Variants in MYO16 observed in about 807,000 individuals in gnomAD.
MYO16 encodes the protein myosin XVI.
In MYO16, 94 loss-of-function variants were observed where a neutral mutation model predicts 205.3. The ratio of observed to expected loss-of-function variants is 0.46; its 90% CI spans 0.39 to 0.54. MYO16 has a LOEUF of 0.54. Ranked by LOEUF, MYO16 falls within the 20% of genes least tolerant of loss-of-function variation. The pLI is 0.00. For missense variants in MYO16, 2,315 were observed against 2,387.5 expected, an observed-to-expected ratio of 0.97 and a Z score of 0.63; for synonymous variants, 988 against 954.0, an observed-to-expected ratio of 1.04 and a Z score of -0.66.
chr13:108,564,231 C>T, the MYO16 span, among the ~76,000 whole-genome samples: 1 of 149,252 alleles, frequency 6.7e-6, no homozygotes, highest in South Asian at 2.1e-4. Context: ...AATGCAGTGG[C>T]ACCATCTTGG....
At chr13:108,708,299 T>C (rs1020968212) in intron 2 of MYO16, among the ~76,000 whole-genome samples, 3 of 152,212 alleles carry the variant, frequency 2.0e-5, no homozygotes, top group Non-Finnish European at 1.5e-5. Context: ...AGATACAATT[T>C]TCAAAGGCTT....
At chr13:108,893,335 T>A (rs1196463693) in intron 14 of MYO16, among the ~76,000 whole-genome samples, 1 of 152,210 alleles carries the variant, frequency 6.6e-6, no homozygotes, top group African/African-American at 2.4e-5. Flanking sequence ...CACAATGTCA[T>A]TGATGGGTTC....
intron 27 of MYO16, among the ~76,000 whole-genome samples, chr13:109,064,806 G>A (rs1009457538): frequency 6.6e-6 from 1 of 152,158 alleles, no homozygotes; most frequent in African/African-American, 2.4e-5. Context: ...CATAGATAGG[G>A]TGGAGAAGTG....
chr13:108,520,416 A>G, the MYO16 span, among the ~76,000 whole-genome samples: 1 of 152,186 alleles, frequency 6.6e-6, no homozygotes, highest in South Asian at 2.1e-4. Flanking sequence ...TAAAGATATA[A>G]TCAGACCATA....
At chr13:108,573,344 T>A in the MYO16 span, among the ~76,000 whole-genome samples, 1 of 152,202 alleles carries the variant, frequency 6.6e-6, no homozygotes, top group Non-Finnish European at 1.5e-5. Flanking sequence ...ACTTTAGAAG[T>A]TGGAATATAA....
At chr13:109,062,659 T>A (rs1887629568) in intron 27 of MYO16, among the ~76,000 whole-genome samples, 1 of 152,120 alleles carries the variant, frequency 6.6e-6, no homozygotes, top group Non-Finnish European at 1.5e-5. Flanking sequence ...ATAGAGAGAT[T>A]ATCAGTTTCT....
At chr13:108,748,392 A>T (rs993739430) in intron 4 of MYO16, among the ~76,000 whole-genome samples, 2 of 152,074 alleles carry the variant, frequency 1.3e-5, no homozygotes, top group African/African-American at 4.8e-5. Flanking sequence ...AAATACGTGT[A>T]TTAGAGAAGA....
At chr13:109,023,352 A>C (rs1441925922) in intron 23 of MYO16, among the ~76,000 whole-genome samples, 1 of 73,400 alleles carries the variant, frequency 1.4e-5, no homozygotes, top group Non-Finnish European at 2.3e-5. Flanking sequence ...TTTATATATT[A>C]TACAGATATA....
chr13:108,793,285 CA>C (rs756851025), intron 5 of MYO16, among the ~76,000 whole-genome samples: 22 of 98,864 alleles, frequency 2.2e-4, no homozygotes, highest in East Asian at 8.1e-4. Context: ...GACTCTGTCT[CA>C]AAAAAAAAAA....
intron 16 of MYO16, among the ~76,000 whole-genome samples, chr13:108,924,555 C>T (rs559840192): frequency 2.8e-4 from 42 of 152,298 alleles, no homozygotes; most frequent in African/African-American, 9.1e-4. Flanking sequence ...TTCCTGAGTA[C>T]GAATGGAATC....
intron 4 of MYO16, among the ~76,000 whole-genome samples, chr13:108,759,681 C>A (rs1885535796): frequency 1.3e-5 from 2 of 151,226 alleles, no homozygotes; most frequent in Admixed American, 1.3e-4. Flanking sequence ...ATTAGCCAGG[C>A]GTGGGGGCAG....
chr13:108,591,571 T>C (rs368077439), upstream of MYO16, among the ~76,000 whole-genome samples: 61 of 152,296 alleles, frequency 4.0e-4, no homozygotes, highest in African/African-American at 1.4e-3. Flanking sequence ...TCATAATGAT[T>C]GGAAGGAAAC....
intron 16 of MYO16, among the ~76,000 whole-genome samples, chr13:108,921,805 G>A (rs1881757368): frequency 6.6e-6 from 1 of 152,186 alleles, no homozygotes; most frequent in South Asian, 2.1e-4. Flanking sequence ...TCCCTGGCTG[G>A]GGGGTTTGGG....
intron 1 of MYO16, among the ~76,000 whole-genome samples, chr13:108,632,929 A>C (rs1325370573): frequency 1.3e-5 from 2 of 152,118 alleles, no homozygotes; most frequent in Non-Finnish European, 2.9e-5. Flanking sequence ...GTTTTAATGA[A>C]CTGAAGCGGA....
At chr13:108,642,624 G>T (rs1011719462) in intron 1 of MYO16, among the ~76,000 whole-genome samples, 3 of 151,918 alleles carry the variant, frequency 2.0e-5, no homozygotes, top group Non-Finnish European at 4.4e-5. Flanking sequence ...CACCATGTTG[G>T]CCAGGCTGGT....
At chr13:108,862,733 A>T (rs1387223736) in intron 11 of MYO16, among the ~76,000 whole-genome samples, 6 of 152,186 alleles carry the variant, frequency 3.9e-5, no homozygotes, top group African/African-American at 1.4e-4. Context: ...AAGTTAATTT[A>T]ACAATTTCAA....
intron 34 of MYO16, among the ~76,000 whole-genome samples, chr13:109,181,572 A>G (rs1879452563): frequency 6.6e-6 from 1 of 152,246 alleles, no homozygotes; most frequent in African/African-American, 2.4e-5. Context: ...TATTTTCATT[A>G]GCCTCATCAG....
At chr13:109,103,664 T>A (rs943722654) in intron 28 of MYO16, among the ~76,000 whole-genome samples, 6 of 152,224 alleles carry the variant, frequency 3.9e-5, no homozygotes, top group Admixed American at 3.3e-4. Flanking sequence ...AAGGAAAGCC[T>A]TGAATCATCA....
intron 4 of MYO16, among the ~76,000 whole-genome samples, chr13:108,754,527 T>C (rs1266345286): frequency 6.6e-6 from 1 of 152,088 alleles, no homozygotes; most frequent in East Asian, 1.9e-4. Flanking sequence ...TGTGTGTGTG[T>C]GTGTGTAATA....
Sources: allele counts gnomAD v4.1 joint callset (sites outside exome capture counted in the v4.1 genomes callset), GRCh38; gene constraint gnomAD v4.1.1; transcripts MANE v1.5; gene names NCBI Gene and HGNC (gene_info 2026-07-23, HGNC 2026-07-21).